The following FOXP2 variants were observed in gnomAD, a reference collection of about 807,000 sequenced individuals.
FOXP2 encodes the protein forkhead box protein P2.
A neutral mutation model predicts 115.8 loss-of-function variants in FOXP2; 12 were observed. That is an observed-to-expected ratio of 0.10 (90% CI 0.07 to 0.17). The LOEUF (loss-of-function observed/expected upper bound fraction) is 0.17, where lower values mean the gene tolerates loss of function less well. Among genes scored for constraint, FOXP2 ranks in the 10% least tolerant of loss-of-function variants. The pLI, the probability that FOXP2 is intolerant of heterozygous loss-of-function variation, is 1.00. For missense variants in FOXP2, 629 were observed against 843.5 expected, an observed-to-expected ratio of 0.75 and a Z score of 3.15; for synonymous variants, 328 against 297.7, an observed-to-expected ratio of 1.10 and a Z score of -1.05.
At chr7:114,219,103 A>T (rs1184543240) in intron 1 of FOXP2, among the ~76,000 whole-genome samples, 1 of 152,228 alleles carries the variant, frequency 6.6e-6, no homozygotes, top group Non-Finnish European at 1.5e-5. Context: ...ATTTTAGTTT[A>T]AAAGCTACTA....
At chr7:114,227,904 T>A (rs1242086406) in intron 1 of FOXP2, among the ~76,000 whole-genome samples, 1 of 152,006 alleles carries the variant, frequency 6.6e-6, no homozygotes, top group East Asian at 1.9e-4. Flanking sequence ...GATATGGTAA[T>A]TTACATGATC....
intron 1 of FOXP2, among the ~76,000 whole-genome samples, chr7:114,274,127 C>T (rs1281048748): frequency 6.6e-6 from 1 of 151,620 alleles, no homozygotes; most frequent in East Asian, 1.9e-4. Context: ...GCAATATAGA[C>T]TTACAACTAA....
intron 2 of FOXP2, among the ~76,000 whole-genome samples, chr7:114,344,778 A>G (rs1449667076): frequency 2.6e-5 from 4 of 151,870 alleles, no homozygotes; most frequent in Non-Finnish European, 5.9e-5. Context: ...GGCTTAAAAT[A>G]ACGGTAAAAT....
chr7:114,238,396 A>T (rs1795065770), intron 1 of FOXP2, among the ~76,000 whole-genome samples: 1 of 152,200 alleles, frequency 6.6e-6, no homozygotes, highest in African/African-American at 2.4e-5. Flanking sequence ...TCATAGATAC[A>T]GCTTGGTTGT....
At chr7:114,125,102 A>G (rs1791672725) in intron 1 of FOXP2, among the ~76,000 whole-genome samples, 1 of 152,118 alleles carries the variant, frequency 6.6e-6, no homozygotes, top group African/African-American at 2.4e-5. Flanking sequence ...GCCTTTGGCT[A>G]GTTTGTGAAT....
chr7:114,475,707 T>G (rs780073663), intron 2 of FOXP2, among the ~76,000 whole-genome samples: 1 of 152,044 alleles, frequency 6.6e-6, no homozygotes, highest in African/African-American at 2.4e-5. Context: ...ATACTTTTCC[T>G]TAATTAATAA....
chr7:114,347,227 G>A (rs1194192851), intron 2 of FOXP2, among the ~76,000 whole-genome samples: 1 of 151,662 alleles, frequency 6.6e-6, no homozygotes, highest in Non-Finnish European at 1.5e-5. Flanking sequence ...TTATACTTTT[G>A]TTTTCTGGTG....
intron 3 of FOXP2, among the ~76,000 whole-genome samples, chr7:114,568,026 T>C (rs1801108691): frequency 6.6e-6 from 1 of 152,146 alleles, no homozygotes; most frequent in Admixed American, 6.6e-5. Context: ...TAAGTTATTG[T>C]TCTTCAGTAA....
At chr7:114,496,302 T>C (rs1444084117) in intron 2 of FOXP2, among the ~76,000 whole-genome samples, 1 of 152,160 alleles carries the variant, frequency 6.6e-6, no homozygotes, top group Non-Finnish European at 1.5e-5. Context: ...TGCTTCATTC[T>C]GCTATGGGGA....
At chr7:114,662,018 A>G in intron 13 of FOXP2, 47 bp from the exon 14 acceptor site, 2 of 1,608,484 alleles carry the variant, frequency 1.2e-6, no homozygotes, top group Non-Finnish European at 1.7e-6. Flanking sequence ...CTGCCTTATT[A>G]GACAATATTA....
intron 8 of FOXP2, among the ~76,000 whole-genome samples, chr7:114,649,761 T>G (rs1292169796): frequency 6.6e-6 from 1 of 152,036 alleles, no homozygotes; most frequent in African/African-American, 2.4e-5. Flanking sequence ...AGAAGGGAGA[T>G]GTGGCAGAGG....
intron 2 of FOXP2, among the ~76,000 whole-genome samples, chr7:114,304,488 G>A (rs953269905): frequency 2.0e-5 from 3 of 151,598 alleles, no homozygotes; most frequent in Non-Finnish European, 4.4e-5. Context: ...CCTGGCCAAC[G>A]TGACAAAATT....
Position 114,691,855 on chromosome 7 carries a change from A to G in FOXP2, c.*1929A>G, listed in dbSNP as rs1472456897. The stretch of plus-strand genomic sequence containing the variant: ...AGATACCCAGTCATCTATCACACCA[A>G]ATAAAAGGACATAACGGCTTTCAAA... On this transcript the variant is annotated 3_prime_UTR_variant, in exon 17 of 17. Coordinates refer to ENST00000350908, the MANE Select transcript of FOXP2 (RefSeq NM_014491.4). The G allele has an allele frequency of 2.2e-6, 1 of 453,926 alleles. No individual in the cohort carries two copies. The highest frequency in any genetic ancestry group is 2.4e-5 in the Admixed American group (1 of 42,478). 28.1% of individuals were successfully genotyped at this position (453,926 alleles called of 1,614,324 possible).
chr7:114,561,878 C>T (rs924912176), intron 3 of FOXP2, among the ~76,000 whole-genome samples: 1 of 152,160 alleles, frequency 6.6e-6, no homozygotes, highest in African/African-American at 2.4e-5. Context: ...CAGCTTCTAA[C>T]TCCTGGGCTC....
At chr7:114,188,873 T>A (rs1447797415) in intron 1 of FOXP2, among the ~76,000 whole-genome samples, 1 of 152,180 alleles carries the variant, frequency 6.6e-6, no homozygotes, top group Admixed American at 6.5e-5. Flanking sequence ...TAGTCTGCTA[T>A]TTGGAATATA....
rs145169848 is a variant in FOXP2, at chr7:114,177,450, C to T, written c.-102+14362C>T. Among the ~76,000 whole-genome samples, 217 of 152,054 alleles carry T rather than the reference C, an allele frequency of 1.4e-3. 1 individual carries two copies. The highest frequency in any genetic ancestry group is 2.6e-3 in the Admixed American group (39 of 15,264). ...GTAATAATTCATTTGTTTTTAACTG[C>T]TCTATAACATTCTATAGTTTGAATA... is the stretch of plus-strand genomic sequence containing the variant. On this transcript the variant is annotated intron_variant, in intron 1 of 17. Transcript: ENST00000634411.
chr7:114,496,335 C>G (rs565385970), intron 2 of FOXP2, among the ~76,000 whole-genome samples: 1 of 152,022 alleles, frequency 6.6e-6, no homozygotes, highest in Non-Finnish European at 1.5e-5. Flanking sequence ...GTACATGCTT[C>G]AATTGATGTC....
chr7:114,254,458 A>C (rs1002326207), intron 1 of FOXP2, among the ~76,000 whole-genome samples: 1 of 152,186 alleles, frequency 6.6e-6, no homozygotes, highest in South Asian at 2.1e-4. Context: ...GTCTTTTCAC[A>C]TAGTCCCATA....
intron 2 of FOXP2, among the ~76,000 whole-genome samples, chr7:114,340,627 C>T (rs1000558882): frequency 6.6e-6 from 1 of 151,016 alleles, no homozygotes; most frequent in African/African-American, 2.4e-5. Context: ...CTTGGAGGTC[C>T]TCTAACCACT....
Sources: allele counts gnomAD v4.1 joint callset (sites outside exome capture counted in the v4.1 genomes callset), GRCh38; gene constraint gnomAD v4.1.1; transcripts MANE v1.5; gene names NCBI Gene and HGNC (gene_info 2026-07-23, HGNC 2026-07-21).